Variants in PRKG1 observed in about 807,000 individuals in gnomAD.
The protein encoded by PRKG1 is protein kinase cGMP-dependent 1.
Under a neutral mutation model 88.1 loss-of-function variants are expected in PRKG1, and 35 were observed. The ratio of observed to expected loss-of-function variants is 0.40; its 90% CI spans 0.30 to 0.53. The LOEUF (loss-of-function observed/expected upper bound fraction) is 0.53, where lower values mean the gene tolerates loss of function less well. PRKG1 is among the 20% of genes least tolerant of loss of function. PRKG1 has a pLI of 0.59. For synonymous variants in PRKG1, 303 were observed against 292.5 expected, an observed-to-expected ratio of 1.04 and a Z score of -0.37; for missense variants, 540 against 839.8, an observed-to-expected ratio of 0.64 and a Z score of 4.41.
At chr10:51,804,127 CT>C (rs1163356001) in intron 3 of PRKG1, among the ~76,000 whole-genome samples, 1 of 152,078 alleles carries the variant, frequency 6.6e-6, no homozygotes, top group Non-Finnish European at 1.5e-5. Flanking sequence ...AAATTCTCCC[CT>C]AAGCCTGAAA....
rs187308380 is a variant in PRKG1 at position 51,787,163 on chromosome 10, T to C, written c.593-17422T>C. 3.5e-3 allele frequency among the ~76,000 whole-genome samples: 528 copies of C among 152,284 alleles called. 2 individuals are homozygous for C. The highest frequency in any genetic ancestry group is 4.2e-3 in the Non-Finnish European group (283 of 68,012). ...TCCCTCTAAGCCTTTTGTCTACTGA[T>C]AAAATTGAATTGTAACCTGTTTTTA... is the stretch of plus-strand genomic sequence containing the variant. On this transcript the variant is annotated intron_variant, in intron 3 of 17. Coordinates refer to ENST00000373980, the MANE Select transcript of PRKG1 (RefSeq NM_006258.4).
chr10:51,523,175 G>A (rs2026558), intron 3 of PRKG1, among the ~76,000 whole-genome samples: 80,901 of 151,882 alleles, frequency 0.53, 22,982 homozygotes, highest in East Asian at 0.92. Flanking sequence ...CAGAGGGTGA[G>A]ATTCAGCATT....
chr10:51,604,089 CTTT>C (rs11290534), intron 3 of PRKG1, among the ~76,000 whole-genome samples: 2 of 141,664 alleles, frequency 1.4e-5, no homozygotes, highest in Non-Finnish European at 1.5e-5. Flanking sequence ...TGGTCCCTGC[CTTT>C]TTTTTTTTTT....
At position 51,498,911 on chromosome 10, in the gene PRKG1, G is replaced by GA. The variant is rs112553242; in HGVS notation, c.592+31087dup. On this transcript the variant is annotated intron_variant, in intron 3 of 17. Coordinates refer to ENST00000373980, the MANE Select transcript of PRKG1 (RefSeq NM_006258.4). ...AAATCTATTTACCCTTACTCTGTCAGAAAAAAAAAAAAGCCAGCACATATA... is the reference window on the plus strand; with the variant it reads ...AAATCTATTTACCCTTACTCTGTCAGAAAAAAAAAAAAAGCCAGCACATATA... Among the ~76,000 whole-genome samples the GA allele has an allele frequency of 3.3e-3, 462 of 139,298 alleles. 1 individual carries two copies. Among genetic ancestry groups the GA allele is most frequent in the African/African-American group, 9.0e-3 (338 of 37,582 alleles). 91.4% of individuals were successfully genotyped at this position (139,298 alleles called of 152,430 possible).
intron 2 of PRKG1, among the ~76,000 whole-genome samples, chr10:51,228,470 CTAATT>C (rs1838751691): frequency 6.6e-6 from 1 of 152,292 alleles, no homozygotes; most frequent in African/African-American, 2.4e-5. Context: ...GGAAAGCTCT[CTAATT>C]TAACTCTTCA....
intron 5 of PRKG1, among the ~76,000 whole-genome samples, chr10:52,020,588 G>T (rs1845157873): frequency 6.6e-6 from 1 of 152,154 alleles, no homozygotes; most frequent in Non-Finnish European, 1.5e-5. Context: ...GCACATGAAG[G>T]TCAAGAGTGG....
chr10:52,150,311 T>C (rs1203403103), intron 8 of PRKG1, among the ~76,000 whole-genome samples: 2 of 151,970 alleles, frequency 1.3e-5, no homozygotes, highest in Non-Finnish European at 2.9e-5. Flanking sequence ...TGGTGCCAAT[T>C]ACGGCTGGGA....
intron 3 of PRKG1, among the ~76,000 whole-genome samples, chr10:51,582,319 A>G (rs1368238527): frequency 6.6e-6 from 1 of 151,772 alleles, no homozygotes; most frequent in African/African-American, 2.4e-5. Context: ...TTTTCTTTTT[A>G]TCTTTTTTTG....
intron 2 of PRKG1, among the ~76,000 whole-genome samples, chr10:51,363,099 T>A (rs1404438500): frequency 6.6e-6 from 1 of 151,834 alleles, no homozygotes; most frequent in Non-Finnish European, 1.5e-5. Context: ...GAATCTCAGA[T>A]GTTCTTATTT....
intron 3 of PRKG1, among the ~76,000 whole-genome samples, chr10:51,515,765 T>C (rs1841563065): frequency 6.6e-6 from 1 of 152,116 alleles, no homozygotes. Context: ...AGGGGTCCCC[T>C]GTTTATTTAG....
intron 3 of PRKG1, among the ~76,000 whole-genome samples, chr10:51,495,914 C>A (rs1840838363): frequency 6.6e-6 from 1 of 152,080 alleles, no homozygotes; most frequent in Admixed American, 6.6e-5. Context: ...CCAATTTGAT[C>A]AACTCTTAAA....
intron 2 of PRKG1, among the ~76,000 whole-genome samples, chr10:51,423,809 T>C (rs1188793001): frequency 2.6e-5 from 4 of 152,150 alleles, no homozygotes; most frequent in Admixed American, 1.3e-4. Context: ...TCTGTGATTA[T>C]TTTTTATTTA....
chr10:51,234,545 A>G (rs763116718), intron 2 of PRKG1, among the ~76,000 whole-genome samples: 4 of 152,212 alleles, frequency 2.6e-5, no homozygotes, highest in Admixed American at 6.6e-5. Flanking sequence ...CTTACCAAAC[A>G]GGATTTATCT....
At chr10:51,416,109 TAAAG>T (rs1426399837) in intron 2 of PRKG1, among the ~76,000 whole-genome samples, 4 of 152,320 alleles carry the variant, frequency 2.6e-5, no homozygotes, top group Admixed American at 6.5e-5. Flanking sequence ...AAAATAAAAA[TAAAG>T]AAAGCTTTAC....
intron 2 of PRKG1, among the ~76,000 whole-genome samples, chr10:51,359,774 G>GGGA (rs1203718615): frequency 6.6e-6 from 1 of 151,818 alleles, no homozygotes; most frequent in Non-Finnish European, 1.5e-5. Flanking sequence ...AAGCAAGGAG[G>GGGA]GGAGGAATGA....
chr10:51,788,167 G>C (rs1838776255), intron 3 of PRKG1, among the ~76,000 whole-genome samples: 1 of 152,124 alleles, frequency 6.6e-6, no homozygotes, highest in African/African-American at 2.4e-5. Flanking sequence ...AGATACCAGT[G>C]ATCCTTTTGT....
chr10:51,926,957 C>G (rs2132993823), intron 5 of PRKG1, among the ~76,000 whole-genome samples: 1 of 152,074 alleles, frequency 6.6e-6, no homozygotes, highest in South Asian at 2.1e-4. Flanking sequence ...TGTTGGATCC[C>G]ATCTGCACCA....
chr10:52,145,452 A>G (rs796086310), intron 8 of PRKG1, among the ~76,000 whole-genome samples: 5 of 152,318 alleles, frequency 3.3e-5, no homozygotes, highest in African/African-American at 1.2e-4. Flanking sequence ...TAAAAAGATA[A>G]TATTTGAAAT....
intron 3 of PRKG1, among the ~76,000 whole-genome samples, chr10:51,662,830 C>G (rs1317008285): frequency 6.6e-6 from 1 of 151,964 alleles, no homozygotes; most frequent in African/African-American, 2.4e-5. Context: ...GTAGCAAGTT[C>G]AAAGGTATAG....
Sources: allele counts gnomAD v4.1 joint callset (sites outside exome capture counted in the v4.1 genomes callset), GRCh38; gene constraint gnomAD v4.1.1; transcripts MANE v1.5; gene names NCBI Gene and HGNC (gene_info 2026-07-23, HGNC 2026-07-21).